Variants in MROH1 observed in about 807,000 individuals in gnomAD.
MROH1 encodes maestro heat like repeat family member 1.
In MROH1, 117 loss-of-function variants were observed where a neutral mutation model predicts 116.5. That is an observed-to-expected ratio of 1.00 (90% CI 0.86 to 1.17). MROH1 has a LOEUF of 1.17. Ranked by LOEUF, MROH1 falls within the 50% of genes most tolerant of loss-of-function variation. The pLI is 0.00. For synonymous variants in MROH1, 921 were observed against 583.9 expected, an observed-to-expected ratio of 1.58 and a Z score of -8.32; for missense variants, 1,873 against 1,338.5, an observed-to-expected ratio of 1.40 and a Z score of -6.23.
chr8:144,226,296 C>G (rs958267162), intron 14 of MROH1, among the ~76,000 whole-genome samples: 3 of 152,148 alleles, frequency 2.0e-5, no homozygotes, highest in African/African-American at 7.2e-5. Flanking sequence ...CCCAGCACCA[C>G]GTGTTGAGAA....
chr8:144,151,265 A>C (rs1320471141), intron 1 of MROH1, among the ~76,000 whole-genome samples: 23 of 151,284 alleles, frequency 1.5e-4, no homozygotes, highest in Middle Eastern at 3.4e-3. Context: ...AAAAAAAAAA[A>C]AAAAAAAAAC....
At chr8:144,155,126 T>G (rs1430937329) in intron 1 of MROH1, among the ~76,000 whole-genome samples, 1 of 152,066 alleles carries the variant, frequency 6.6e-6, no homozygotes, top group Non-Finnish European at 1.5e-5. Context: ...TAATTTTGTA[T>G]TTTTAGTAGA....
At position 144,190,938 on chromosome 8, in the gene MROH1, AT is replaced by A. The variant is rs767246865; in HGVS notation, c.714+4del. The A allele has an allele frequency of 6.2e-7, 1 of 1,612,614 alleles. No individual in the cohort carries two copies. The highest frequency in any genetic ancestry group is 1.7e-5 in the Admixed American group (1 of 59,994). On this transcript the variant is annotated splice_donor_region_variant and intron_variant, in intron 8 of 43. Transcript: ENST00000326134. ...GGCTGCAGAGTCGAGAAGCCAAGGT[AT>A]GCCCCGTGGCTGCATCAGTCCACGC...
chr8:144,190,376 C>T (rs1275972024), intron 7 of MROH1, among the ~76,000 whole-genome samples: 1 of 152,048 alleles, frequency 6.6e-6, no homozygotes, highest in Non-Finnish European at 1.5e-5. Flanking sequence ...AAAAATTAGC[C>T]AAGTATGATG....
chr8:144,194,263 A>G (rs569062998), intron 10 of MROH1, among the ~76,000 whole-genome samples: 1 of 151,944 alleles, frequency 6.6e-6, no homozygotes, highest in East Asian at 1.9e-4. Context: ...GGGTTTCACC[A>G]TGTTGGCCAG....
chr8:144,176,988 C>T (rs6558313), intron 4 of MROH1, among the ~76,000 whole-genome samples: 150,471 of 152,234 alleles, frequency 0.99, 74,382 homozygotes, highest in East Asian at 1. Flanking sequence ...CACTGCGGCG[C>T]CAACACTCAC....
chr8:144,189,644 A>G (rs1828064809), intron 7 of MROH1, among the ~76,000 whole-genome samples: 1 of 152,138 alleles, frequency 6.6e-6, no homozygotes, highest in East Asian at 1.9e-4. Context: ...TCACTGGCAC[A>G]CTGTCAGGAG....
chr8:144,184,789 C>T (rs1407037957), intron 7 of MROH1, among the ~76,000 whole-genome samples: 2 of 152,190 alleles, frequency 1.3e-5, no homozygotes, highest in African/African-American at 4.8e-5. Context: ...AGAAGAGGCC[C>T]AGGCTCACCG....
At chr8:144,241,575 CA>C (rs1322800514) in intron 22 of MROH1, 58 bp downstream of exon 22, 4 of 775,208 alleles carry the variant, frequency 5.2e-6, no homozygotes, top group Non-Finnish European at 9.6e-6. Context: ...GTTTGAGGCT[CA>C]GGGGGTGCCC....
intron 43 of MROH1, 104 bp downstream of exon 43, chr8:144,261,453 C>T (rs1480793266): frequency 5.7e-6 from 4 of 699,038 alleles, no homozygotes; most frequent in South Asian, 3.0e-5. Context: ...TTCCCTGTCA[C>T]TGGTGACCTC....
Position 144,247,408 on chromosome 8 carries a change from C to T in MROH1, c.2979C>T (p.Ser993=), listed in dbSNP as rs1456540188. The change falls in exon 30 of 44, where the codon TCC becomes TCT. Residue 993 remains serine, a synonymous_variant. Coordinates refer to ENST00000326134, the MANE Select transcript of MROH1 (RefSeq NM_032450.3). ...TRQEAVDCVY[S]LLYLQLGYEG... is the part of the protein sequence containing the mutation. Reference sequence around the variant, plus strand: ...AGGAGGCCGTGGACTGTGTCTACTCCCTGCTGTACCTCCAGCTCGGCTATG... The same window carrying T: ...AGGAGGCCGTGGACTGTGTCTACTCTCTGCTGTACCTCCAGCTCGGCTATG... The T allele has an allele frequency of 3.9e-6, 3 of 771,154 alleles. No individual in the cohort carries two copies. The highest frequency in any genetic ancestry group is 3.4e-5 in the African/African-American group (2 of 58,906). The allele number at this position is 771,154 out of a possible 1,614,324, so 47.8% of individuals were successfully genotyped here. A position where few individuals can be genotyped will look rare whatever the true frequency, so the allele number is the denominator to read the frequency against.
chr8:144,192,655 G>T (rs545667260), intron 10 of MROH1: 2 of 668,406 alleles, frequency 3.0e-6, no homozygotes, highest in South Asian at 3.1e-5. Context: ...CCCAGGCCCA[G>T]TGCAGGCCCA....
rs373072073 is a variant in MROH1 at position 144,192,414 on chromosome 8, C to T, written c.948+13C>T. The T allele has an allele frequency of 4.9e-4, 767 of 1,569,066 alleles. 3 individuals are homozygous for T. In the African/African-American group the frequency reaches 9.1e-3, roughly 19 times the overall value. On this transcript the variant is annotated intron_variant, in intron 10 of 43. Transcript: ENST00000326134. ...ACTGCACTCCCAGGTAGGAGGCGGG[C>T]GTCAGGGGGCGGGTCCAGGTTCTGC...
At chr8:144,202,585 G>A (rs1026426121) in intron 12 of MROH1, among the ~76,000 whole-genome samples, 5 of 129,512 alleles carry the variant, frequency 3.9e-5, no homozygotes, top group African/African-American at 1.1e-4. Flanking sequence ...CCCCCTCTGT[G>A]GGGGGGAAAG....
chr8:144,174,537 G>A (rs1823329252), intron 4 of MROH1, among the ~76,000 whole-genome samples: 1 of 150,072 alleles, frequency 6.7e-6, no homozygotes, highest in Non-Finnish European at 1.5e-5. Flanking sequence ...AGGCTGGAGT[G>A]CAGCGGTGCA....
chr8:144,180,643 G>A lies in MROH1; in HGVS notation c.562+120G>A, dbSNP rs945575211. On this transcript the variant is annotated intron_variant, in intron 7 of 43. Coordinates refer to ENST00000326134, the MANE Select transcript of MROH1 (RefSeq NM_032450.3). This position sits in a 1 kb window ranked among gnomAD's most constrained non-coding sequence, Gnocchi z 7.4. ...TAGGCTGCAGGAAGGGGGGCTGTTG[G>A]AGGGAGGGGCCCCCTGGCTGAGGCT... The A allele has an allele frequency of 4.1e-6, 4 of 975,942 alleles. No individual in the cohort carries two copies. In the Middle Eastern group the frequency reaches 9.8e-4, roughly 239 times the overall value. The allele number at this position is 975,942 out of a possible 1,614,324, so 60.5% of individuals were successfully genotyped here. A position where few individuals can be genotyped will look rare whatever the true frequency, so the allele number is the denominator to read the frequency against.
Position 144,179,359 on chromosome 8 carries a change from T to A in MROH1, c.169-96T>A, listed in dbSNP as rs1411269894. The A allele has an allele frequency of 4.6e-6, 7 of 1,526,448 alleles. No homozygotes were observed. The Admixed American group carries it at 1.3e-4, about 29-fold the overall frequency. The allele number at this position is 1,526,448 out of a possible 1,614,324, so 94.6% of individuals were successfully genotyped here. ...CCCTCCTGCACTTGAGGCAGAGAGA[T>A]TTGTGCGGTTTCATCTTGTAGAGAC... On this transcript the variant is annotated intron_variant, in intron 4 of 43. Coordinates refer to ENST00000326134, the MANE Select transcript of MROH1 (RefSeq NM_032450.3).
At chr8:144,169,065 G>A (rs190580174) in intron 4 of MROH1, among the ~76,000 whole-genome samples, 12 of 152,334 alleles carry the variant, frequency 7.9e-5, no homozygotes, top group East Asian at 1.9e-4. Flanking sequence ...CCAGGATTTC[G>A]GCCTCGCCTG....
At chr8:144,211,301 CATTA>C (rs1369217517) in intron 12 of MROH1, among the ~76,000 whole-genome samples, 1 of 152,122 alleles carries the variant, frequency 6.6e-6, no homozygotes, top group Non-Finnish European at 1.5e-5. Context: ...TGCCTGTATC[CATTA>C]ATTAATTAAT....
Sources: gnomAD v4.1 joint callset for allele counts (sites outside exome capture counted in the v4.1 genomes callset) on GRCh38, gnomAD v4.1.1 for gene constraint, Gnocchi (gnomAD v3.1) non-coding constraint, MANE v1.5 for transcripts, NCBI Gene and HGNC (gene_info 2026-07-23, HGNC 2026-07-21) for gene names.